Variants in AP3B1 observed in about 807,000 individuals in gnomAD.
AP3B1 encodes the protein AP-3 complex subunit beta-1.
In AP3B1, 61 loss-of-function variants were observed where a neutral mutation model predicts 132.5. The ratio of observed to expected loss-of-function variants is 0.46; its 90% CI spans 0.37 to 0.57. The LOEUF is 0.57. AP3B1 is among the 20% of genes least tolerant of loss of function. AP3B1 has a pLI of 0.00. For synonymous variants in AP3B1, 388 were observed against 438.3 expected, an observed-to-expected ratio of 0.89 and a Z score of 1.43; for missense variants, 1,120 against 1,289.4, an observed-to-expected ratio of 0.87 and a Z score of 2.01.
At chr5:78,096,438 C>G (rs1048584586) in intron 21 of AP3B1, among the ~76,000 whole-genome samples, 1 of 151,908 alleles carries the variant, frequency 6.6e-6, no homozygotes, top group African/African-American at 2.4e-5. Context: ...GCCACCCCGT[C>G]TAGGAAGTGA....
intron 1 of AP3B1, among the ~76,000 whole-genome samples, chr5:78,268,656 T>C (rs1748429918): frequency 6.6e-6 from 1 of 152,178 alleles, no homozygotes; most frequent in Non-Finnish European, 1.5e-5. Context: ...AAACTTGGTT[T>C]GCTCATCTAA....
At chr5:78,051,421 C>CTT (rs11369898) in intron 22 of AP3B1, among the ~76,000 whole-genome samples, 7 of 151,620 alleles carry the variant, frequency 4.6e-5, no homozygotes, top group East Asian at 1.9e-4. Context: ...AGCATGTCTG[C>CTT]TTTTTTTTGA....
chr5:78,004,365 A>G (rs984963382), intron 26 of AP3B1, among the ~76,000 whole-genome samples: 10 of 152,202 alleles, frequency 6.6e-5, no homozygotes, highest in Non-Finnish European at 1.5e-4. Context: ...TACCATCAAC[A>G]TAAAAGAGGG....
chr5:78,051,116 C>T (rs193343), intron 22 of AP3B1, among the ~76,000 whole-genome samples: 38,874 of 152,082 alleles, frequency 0.26, 5,428 homozygotes, highest in Admixed American at 0.4. Context: ...ACAAACCACA[C>T]ATATTTTATC....
intron 1 of AP3B1, among the ~76,000 whole-genome samples, chr5:78,288,397 C>G (rs1029356862): frequency 5.9e-5 from 9 of 152,142 alleles, no homozygotes; most frequent in African/African-American, 2.2e-4. Flanking sequence ...TAATCCAAGA[C>G]TGGGAGGTAA....
rs1164698349 is a variant in AP3B1 at position 78,100,969 on chromosome 5, A to C, written c.2454T>G (p.Leu818=). The part of the protein sequence containing the change: ...DRTPLTKDVS[L]LDLDDFNPVS... ...AATACTTACAATCATCCAGATCTAG[A>C]AGTGAAACATCTTTGGTAAGAGGAG... The change falls in exon 21 of 27, where the codon CTT becomes CTG. Residue 818 remains leucine, a synonymous_variant. Transcript: ENST00000255194. 6.4e-7 allele frequency: 1 copy of C among 1,553,898 alleles called. No individual in the cohort carries two copies. The highest frequency in any genetic ancestry group is 8.9e-7 in the Non-Finnish European group (1 of 1,129,034).
chr5:78,232,361 C>T (rs1441391955), intron 3 of AP3B1, among the ~76,000 whole-genome samples: 1 of 152,140 alleles, frequency 6.6e-6, no homozygotes, highest in African/African-American at 2.4e-5. Context: ...CAGCCTCTTG[C>T]TTGTGAAAGT....
intron 1 of AP3B1, among the ~76,000 whole-genome samples, chr5:78,286,498 C>A (rs1749287170): frequency 6.6e-6 from 1 of 152,142 alleles, no homozygotes; most frequent in Non-Finnish European, 1.5e-5. Context: ...CAACAACAGA[C>A]CATCTTAGAA....
intron 2 of AP3B1, among the ~76,000 whole-genome samples, chr5:78,249,365 A>AAAAAAT (rs1212802346): frequency 1.3e-5 from 2 of 152,194 alleles, no homozygotes; most frequent in Non-Finnish European, 2.9e-5. Flanking sequence ...ACTCCGTCTC[A>AAAAAAT]AAAAATAAAA....
At position 78,167,634 on chromosome 5, in the gene AP3B1, C is replaced by T. The variant is rs570798933; in HGVS notation, c.1168-1962G>A. On this transcript the variant is annotated intron_variant, in intron 11 of 26. Coordinates refer to ENST00000255194, the MANE Select transcript of AP3B1 (RefSeq NM_003664.5). ...GGATAAAGAACATGTTATATATATA[C>T]ACACACACACACACACACACACACA... Among the ~76,000 whole-genome samples, 449 of 143,932 alleles carry T rather than the reference C, an allele frequency of 3.1e-3. 6 individuals carry two copies. The East Asian group carries it at 0.048, about 15-fold the overall frequency. 94.4% of individuals were successfully genotyped at this position (143,932 alleles called of 152,430 possible).
chr5:78,210,850 G>T lies in AP3B1; in HGVS notation c.786+5205C>A, dbSNP rs184513096. Among the ~76,000 whole-genome samples, 464 of 151,718 alleles carry T rather than the reference G, an allele frequency of 3.1e-3. 8 individuals are homozygous for T. The highest frequency in any genetic ancestry group is 9.3e-4 in the Non-Finnish European group (63 of 67,918). ...TTTATAATATTTATTTTTTTAAATC[G>T]ATTAATTTTACAAAAGCAACTTTAG... On this transcript the variant is annotated intron_variant, in intron 7 of 26. Coordinates refer to ENST00000255194, the MANE Select transcript of AP3B1 (RefSeq NM_003664.5).
chr5:78,242,895 A>G (rs1393741451), intron 2 of AP3B1, among the ~76,000 whole-genome samples: 1 of 152,212 alleles, frequency 6.6e-6, no homozygotes, highest in South Asian at 2.1e-4. Flanking sequence ...CTATAGGGTA[A>G]TTTGGGGAAA....
intron 5 of AP3B1, among the ~76,000 whole-genome samples, chr5:78,226,816 T>C (rs1404662150): frequency 3.9e-5 from 6 of 152,134 alleles, no homozygotes; most frequent in Non-Finnish European, 8.8e-5. Flanking sequence ...ATCAGGGCAT[T>C]GTATAATATT....
At chr5:78,155,941 G>T (rs1023351153) in intron 14 of AP3B1, among the ~76,000 whole-genome samples, 6 of 152,110 alleles carry the variant, frequency 3.9e-5, no homozygotes, top group African/African-American at 1.4e-4. Flanking sequence ...GGACAGCTCT[G>T]GGAAACAGAT....
At chr5:78,023,641 TTAAG>T (rs1240861644) in intron 24 of AP3B1, among the ~76,000 whole-genome samples, 2 of 152,034 alleles carry the variant, frequency 1.3e-5, no homozygotes, top group Non-Finnish European at 2.9e-5. Context: ...AGACCTGTAT[TTAAG>T]TAAAAACAGA....
At chr5:78,140,106 G>A (rs1753082172) in intron 15 of AP3B1, among the ~76,000 whole-genome samples, 1 of 152,260 alleles carries the variant, frequency 6.6e-6, no homozygotes, top group East Asian at 1.9e-4. Context: ...CACTCACAGA[G>A]AATAGCAATT....
intron 26 of AP3B1, 117 bp downstream of exon 26, chr5:78,015,293 T>G: frequency 9.2e-7 from 1 of 1,089,540 alleles, no homozygotes; most frequent in Non-Finnish European, 1.3e-6. Flanking sequence ...AGGGAGTGTG[T>G]GTATATATAT....
At chr5:78,260,449 CG>C (rs1238501630) in intron 2 of AP3B1, among the ~76,000 whole-genome samples, 1 of 151,990 alleles carries the variant, frequency 6.6e-6, no homozygotes, top group Non-Finnish European at 1.5e-5. Context: ...CAAAAATTAG[CG>C]GGGCATGGTG....
At chr5:78,048,417 C>G (rs1378457732) in intron 22 of AP3B1, among the ~76,000 whole-genome samples, 1 of 152,102 alleles carries the variant, frequency 6.6e-6, no homozygotes, top group Non-Finnish European at 1.5e-5. Context: ...ACACATTCAG[C>G]CCATGATGGA....
Sources: allele counts gnomAD v4.1 joint callset (sites outside exome capture counted in the v4.1 genomes callset), GRCh38; gene constraint gnomAD v4.1.1; transcripts MANE v1.5; gene names NCBI Gene and HGNC (gene_info 2026-07-23, HGNC 2026-07-21).